Variants in TXNRD1 observed in about 807,000 individuals in gnomAD.
The protein encoded by TXNRD1 is thioredoxin reductase 1, also known as thioredoxin reductase 1, cytoplasmic.
A neutral mutation model predicts 80.3 loss-of-function variants in TXNRD1; 57 were observed. The observed-to-expected ratio is 0.71, with a 90% CI of 0.57 to 0.89. The LOEUF is 0.89. Among genes scored for constraint, TXNRD1 ranks in the 40% least tolerant of loss-of-function variants. The pLI is 0.00. For missense variants in TXNRD1, 730 were observed against 803.0 expected (o/e 0.91, Z 1.10); for synonymous variants, 291 against 285.2 (o/e 1.02, Z -0.20).
In TXNRD1 at chr12:104,338,786, G is replaced by A. The variant is rs2036228113; in HGVS notation, c.1747-353G>A. 2.0e-5 allele frequency among the ~76,000 whole-genome samples: 3 copies of A among 151,682 alleles called. No homozygotes were observed. In the South Asian group the frequency reaches 6.2e-4, roughly 31 times the overall value. ...GGCTGGAGTGCAGTGGCACGATCTC[G>A]GCTCACTGCAAGCTCTGCCTCCTGG... On this transcript the variant is annotated intron_variant, in intron 15 of 16. Transcript: ENST00000525566.
intron 1 of TXNRD1, among the ~76,000 whole-genome samples, chr12:104,235,902 G>C (rs552528482): frequency 1.3e-5 from 2 of 152,206 alleles, no homozygotes; most frequent in African/African-American, 4.8e-5. Flanking sequence ...CTTGTGCTAA[G>C]TCAGTTCCTG....
intron 15 of TXNRD1, among the ~76,000 whole-genome samples, chr12:104,337,832 G>T (rs2036189363): frequency 6.6e-6 from 1 of 151,566 alleles, no homozygotes; most frequent in South Asian, 2.1e-4. Flanking sequence ...TATCACCCAG[G>T]ATAGAGTGCA....
intron 4 of TXNRD1, chr12:104,304,122 AC>A: frequency 6.2e-7 from 1 of 1,614,076 alleles, no homozygotes; most frequent in Non-Finnish European, 8.5e-7. Flanking sequence ...AGCTCGGCGA[AC>A]AACTCCTTAA....
intron 2 of TXNRD1, among the ~76,000 whole-genome samples, chr12:104,255,041 G>A (rs1267624755): frequency 1.3e-5 from 2 of 152,138 alleles, no homozygotes; most frequent in African/African-American, 2.4e-5. Flanking sequence ...AGGAAGCTGA[G>A]GGGGCAGTGA....
At position 104,294,242 on chromosome 12, in the gene TXNRD1, C is replaced by T. The variant is rs867811948; in HGVS notation, c.414+5202C>T. On this transcript the variant is annotated intron_variant, in intron 4 of 16. Transcript: ENST00000525566. Reference sequence around the variant, plus strand: ...ACTCCCCCGGGGAAAGGCCCCCCCCCCCGCCGCCGGCTTTCCCGGTCTGCT... The same window carrying T: ...ACTCCCCCGGGGAAAGGCCCCCCCCTCCGCCGCCGGCTTTCCCGGTCTGCT... Among the ~76,000 whole-genome samples the T allele has an allele frequency of 2.6e-4, 31 of 119,148 alleles. 5 individuals carry two copies. The highest frequency in any genetic ancestry group is 2.1e-3 in the Admixed American group (25 of 12,018). The allele number at this position is 119,148 out of a possible 152,430, so 78.2% of individuals were successfully genotyped here.
At chr12:104,298,835 G>C (rs1229363479) in intron 4 of TXNRD1, among the ~76,000 whole-genome samples, 1 of 150,198 alleles carries the variant, frequency 6.7e-6, no homozygotes, top group Non-Finnish European at 1.5e-5. Flanking sequence ...TGCTATCTTT[G>C]GGATTGTTTG....
intron 4 of TXNRD1, chr12:104,304,088 C>G (rs1409575305): frequency 1.2e-6 from 2 of 1,613,586 alleles, no homozygotes; most frequent in Admixed American, 1.7e-5. Context: ...GTACTGCGTG[C>G]GGCAGAACCG....
chr12:104,325,375 A>T lies in TXNRD1; in HGVS notation c.1254A>T (p.Arg418Ser). The part of the protein sequence containing the change: ...QIEAGTPGRL[R>S]VVAQSTNSEE... ...AAGCAGGGACACCAGGCCGACTCAG[A>T]GTAGTAGCTCAGTCCACCAATAGTG... is the stretch of plus-strand genomic sequence containing the variant. Residue 418 changes from arginine (R) to serine (S), a missense_variant, in exon 11 of 17, where the codon AGA (arginine) becomes AGT (serine). Coordinates refer to ENST00000525566, the MANE Select transcript of TXNRD1 (RefSeq NM_001093771.3). 6.2e-7 allele frequency: 1 copy of T among 1,613,570 alleles called. No individual in the cohort carries two copies. The highest frequency in any genetic ancestry group is 8.5e-7 in the Non-Finnish European group (1 of 1,179,694).
intron 5 of TXNRD1, among the ~76,000 whole-genome samples, chr12:104,312,180 G>T (rs1490891093): frequency 6.6e-6 from 1 of 152,008 alleles, no homozygotes; most frequent in Non-Finnish European, 1.5e-5. Flanking sequence ...GAGCAATTGG[G>T]TTTCTTAAAC....
At chr12:104,296,130 T>C (rs2034428559) in intron 4 of TXNRD1, among the ~76,000 whole-genome samples, 1 of 152,186 alleles carries the variant, frequency 6.6e-6, no homozygotes, top group South Asian at 2.1e-4. Flanking sequence ...CCTGCAAAGC[T>C]CACTCTCATG....
intron 3 of TXNRD1, chr12:104,287,439 A>G (rs1444123851): frequency 6.2e-7 from 1 of 1,613,374 alleles, no homozygotes; most frequent in Non-Finnish European, 8.5e-7. Flanking sequence ...TGGGTATTGT[A>G]TCGTTTCTTA....
chr12:104,250,406 T>C (rs1039205752), intron 1 of TXNRD1, among the ~76,000 whole-genome samples: 1 of 152,230 alleles, frequency 6.6e-6, no homozygotes, highest in Admixed American at 6.5e-5. Context: ...TTTGACTTGA[T>C]CAAAATTTAA....
chr12:104,343,982 A>G (rs1043204752), intron 16 of TXNRD1, among the ~76,000 whole-genome samples: 1 of 152,098 alleles, frequency 6.6e-6, no homozygotes, highest in African/African-American at 2.4e-5. Context: ...GCATACCTGT[A>G]GTCCCAGCTA....
intron 1 of TXNRD1, among the ~76,000 whole-genome samples, chr12:104,249,089 A>G (rs951686977): frequency 1.3e-4 from 20 of 152,240 alleles, no homozygotes; most frequent in Non-Finnish European, 2.4e-4. Context: ...AACATAAACT[A>G]GGAGGCTTAT....
At chr12:104,314,607 C>T (rs1180480553) in intron 6 of TXNRD1, among the ~76,000 whole-genome samples, 1 of 151,964 alleles carries the variant, frequency 6.6e-6, no homozygotes, top group African/African-American at 2.4e-5. Flanking sequence ...AAGCTGTCAC[C>T]ATATTCTTTA....
intron 1 of TXNRD1, among the ~76,000 whole-genome samples, chr12:104,237,165 C>T (rs577802748): frequency 1.3e-5 from 2 of 152,102 alleles, no homozygotes; most frequent in East Asian, 1.9e-4. Flanking sequence ...TGTTATCTAC[C>T]GCTTTTGAGT....
At chr12:104,240,054 G>A (rs1020605656) in intron 1 of TXNRD1, among the ~76,000 whole-genome samples, 4 of 151,968 alleles carry the variant, frequency 2.6e-5, no homozygotes, top group African/African-American at 9.7e-5. Flanking sequence ...TCCTTTTCTT[G>A]TACTGTCTCT....
chr12:104,326,270 A>G, intron 11 of TXNRD1, 77 bp from the exon 12 acceptor site: 1 of 977,278 alleles, frequency 1.0e-6, no homozygotes, highest in South Asian at 1.6e-5. Flanking sequence ...TAGCTTAATA[A>G]GCAGAGAAAA....
intron 6 of TXNRD1, among the ~76,000 whole-genome samples, chr12:104,314,989 C>T (rs1214781987): frequency 6.6e-6 from 1 of 152,062 alleles, no homozygotes; most frequent in Non-Finnish European, 1.5e-5. Context: ...ATGATCCACC[C>T]GCCTCGGCCT....
Sources: allele counts gnomAD v4.1 joint callset (sites outside exome capture counted in the v4.1 genomes callset), GRCh38; gene constraint gnomAD v4.1.1; transcripts MANE v1.5; gene names NCBI Gene and HGNC (gene_info 2026-07-23, HGNC 2026-07-21).